The following CSGALNACT1 variants were observed in gnomAD, a reference collection of about 807,000 sequenced individuals.
The protein encoded by CSGALNACT1 is chondroitin sulfate N-acetylgalactosaminyltransferase 1.
CSGALNACT1 carries 52 observed loss-of-function variants against 51.0 expected under a neutral mutation model. The observed-to-expected ratio is 1.02, with a 90% CI of 0.82 to 1.29. CSGALNACT1 has a LOEUF of 1.29. CSGALNACT1 is among the 50% of genes most tolerant of loss of function. The pLI, the probability that CSGALNACT1 is intolerant of heterozygous loss-of-function variation, is 0.00. For missense variants in CSGALNACT1, 935 were observed against 679.2 expected (o/e 1.38, Z -4.19); for synonymous variants, 341 against 254.4 (o/e 1.34, Z -3.24).
intron 1 of CSGALNACT1, among the ~76,000 whole-genome samples, chr8:19,754,239 G>T (rs1235505179): frequency 1.3e-5 from 2 of 152,086 alleles, no homozygotes; most frequent in South Asian, 2.1e-4. Flanking sequence ...TGTTGGCCAG[G>T]CTGGTCTCAA....
chr8:19,418,172 C>A (rs771406178), intron 8 of CSGALNACT1, among the ~76,000 whole-genome samples: 1 of 152,156 alleles, frequency 6.6e-6, no homozygotes, highest in African/African-American at 2.4e-5. Context: ...GGTGGCATGA[C>A]GGGAAGGGCA....
rs1158458825 is a variant in CSGALNACT1 at position 19,631,536 on chromosome 8, T to C, written c.-543-29671A>G. Among the ~76,000 whole-genome samples the C allele has an allele frequency of 2.0e-5, 3 of 152,314 alleles. No homozygotes were observed. In the East Asian group the frequency reaches 5.8e-4, roughly 29 times the overall value. ...TTTCAGAAACTTCAGCCAATCAAAT[T>C]GGAGGGCTCCAGTGAGAACAAAATT... On this transcript the variant is annotated intron_variant, in intron 1 of 9. Transcript: ENST00000332246.
chr8:19,541,984 A>G (rs1320561990), intron 3 of CSGALNACT1, among the ~76,000 whole-genome samples: 18 of 152,148 alleles, frequency 1.2e-4, no homozygotes, highest in Non-Finnish European at 5.9e-5. Context: ...ACTGGAATGG[A>G]GGCAAGATGT....
intron 4 of CSGALNACT1, among the ~76,000 whole-genome samples, chr8:19,461,617 A>G (rs111462977): frequency 3.7e-4 from 19 of 51,092 alleles, no homozygotes; most frequent in East Asian, 5.9e-3. Context: ...CACATTCACC[A>G]TGGGGGGCGT....
chr8:19,479,215 C>T (rs2070670767), intron 4 of CSGALNACT1, among the ~76,000 whole-genome samples: 1 of 152,212 alleles, frequency 6.6e-6, no homozygotes, highest in Admixed American at 6.5e-5. Flanking sequence ...CCGTCTCTTC[C>T]CTTATATGAA....
chr8:19,458,569 G>T (rs1300624339), exon 5 of CSGALNACT1: 5 of 1,614,016 alleles, frequency 3.1e-6, no homozygotes, highest in Admixed American at 1.7e-5. Flanking sequence ...TGAGCCGTTT[G>T]AATTCGTGTT....
chr8:19,442,253 T>C (rs1306105477), intron 5 of CSGALNACT1, among the ~76,000 whole-genome samples: 2 of 152,106 alleles, frequency 1.3e-5, no homozygotes, highest in Non-Finnish European at 2.9e-5. Context: ...CATGCTGCTA[T>C]AAAGACACAT....
At chr8:19,530,326 A>ACG (rs1160658413) in intron 3 of CSGALNACT1, among the ~76,000 whole-genome samples, 2 of 142,820 alleles carry the variant, frequency 1.4e-5, no homozygotes, top group Non-Finnish European at 3.0e-5. Context: ...ACACACACAC[A>ACG]CACACACACA....
At chr8:19,750,976 A>T (rs2064992780) in intron 1 of CSGALNACT1, among the ~76,000 whole-genome samples, 2 of 152,162 alleles carry the variant, frequency 1.3e-5, no homozygotes, top group Admixed American at 1.3e-4. Context: ...AAAGCTACAT[A>T]CACAAACCTA....
chr8:19,464,619 T>G (rs1017310263), intron 4 of CSGALNACT1, among the ~76,000 whole-genome samples: 2 of 152,038 alleles, frequency 1.3e-5, no homozygotes, highest in African/African-American at 4.8e-5. Flanking sequence ...AGTGGGTGAG[T>G]GAGCATGACT....
At chr8:19,628,340 C>T (rs1589132543) in intron 1 of CSGALNACT1, among the ~76,000 whole-genome samples, 1 of 152,186 alleles carries the variant, frequency 6.6e-6, no homozygotes, top group Non-Finnish European at 1.5e-5. Context: ...AGGGAAACTG[C>T]CACTTTTAAG....
intron 5 of CSGALNACT1, among the ~76,000 whole-genome samples, chr8:19,443,195 G>A (rs2061594425): frequency 6.6e-6 from 1 of 152,188 alleles, no homozygotes; most frequent in Non-Finnish European, 1.5e-5. Flanking sequence ...ACCTGGGAAG[G>A]TCCTCTGCTG....
intron 4 of CSGALNACT1, among the ~76,000 whole-genome samples, chr8:19,464,070 T>A (rs1586603877): frequency 6.6e-6 from 1 of 152,190 alleles, no homozygotes; most frequent in African/African-American, 2.4e-5. Flanking sequence ...GTGACAGATG[T>A]CACACTACTG....
intron 1 of CSGALNACT1, among the ~76,000 whole-genome samples, chr8:19,643,983 T>A (rs1046307336): frequency 9.8e-5 from 15 of 152,352 alleles, no homozygotes; most frequent in African/African-American, 3.6e-4. Flanking sequence ...TGGACAAAGA[T>A]GTCTATGCAG....
chr8:19,628,585 C>T (rs376918517), intron 1 of CSGALNACT1, among the ~76,000 whole-genome samples: 1 of 152,112 alleles, frequency 6.6e-6, no homozygotes, highest in East Asian at 1.9e-4. Flanking sequence ...GACGCTGTTG[C>T]TAAGTAATAG....
At chr8:19,628,960 C>T (rs1011127729) in intron 1 of CSGALNACT1, among the ~76,000 whole-genome samples, 6 of 152,160 alleles carry the variant, frequency 3.9e-5, no homozygotes. Context: ...CAGTCAGTCC[C>T]ATAGGAAAGA....
rs560272802 is a variant in CSGALNACT1 at position 19,656,868 on chromosome 8, C to G, written c.-544+25605G>C. Among the ~76,000 whole-genome samples, 19 of 152,080 alleles carry G rather than the reference C, an allele frequency of 1.2e-4. No individual in the cohort carries two copies. The South Asian group carries it at 3.9e-3, about 32-fold the overall frequency. ...GGATCACAAGGTCAGGAGTTCCAGA[C>G]CAGCCTGGCCAACATGGTGAAACCC... is the stretch of plus-strand genomic sequence containing the variant. On this transcript the variant is annotated intron_variant, in intron 1 of 9. Transcript: ENST00000332246.
intron 1 of CSGALNACT1, among the ~76,000 whole-genome samples, chr8:19,699,544 C>T (rs545791861): frequency 2.6e-5 from 4 of 152,294 alleles, no homozygotes; most frequent in African/African-American, 9.6e-5. Context: ...CACTAAAGGG[C>T]AAAAATTATA....
At chr8:19,710,055 G>A (rs1377548953) in intron 1 of CSGALNACT1, among the ~76,000 whole-genome samples, 1 of 152,058 alleles carries the variant, frequency 6.6e-6, no homozygotes, top group Admixed American at 6.6e-5. Context: ...CTCCCCACAG[G>A]CTTAATTTTT....
Sources: allele counts gnomAD v4.1 joint callset (sites outside exome capture counted in the v4.1 genomes callset), GRCh38; gene constraint gnomAD v4.1.1; transcripts MANE v1.5; gene names NCBI Gene and HGNC (gene_info 2026-07-23, HGNC 2026-07-21).